The following DDHD1 variants were observed in gnomAD, a reference collection of about 807,000 sequenced individuals.
DDHD1 encodes the protein phospholipase DDHD1.
A neutral mutation model predicts 96.4 loss-of-function variants in DDHD1; 49 were observed. The observed-to-expected ratio is 0.51, with a 90% CI of 0.40 to 0.64. The LOEUF (loss-of-function observed/expected upper bound fraction) is 0.64. Ranked by LOEUF, DDHD1 falls within the 30% of genes least tolerant of loss-of-function variation. The pLI is 0.00. For synonymous variants in DDHD1, 442 were observed against 446.5 expected, an observed-to-expected ratio of 0.99 and a Z score of 0.13; for missense variants, 1,106 against 1,161.2, an observed-to-expected ratio of 0.95 and a Z score of 0.69.
intron 4 of DDHD1, among the ~76,000 whole-genome samples, chr14:53,085,179 C>A (rs1207501094): frequency 6.6e-6 from 1 of 152,210 alleles, no homozygotes; most frequent in Admixed American, 6.5e-5. Context: ...TCTGTAGACT[C>A]CACCTCTGGG....
chr14:53,080,676 A>C (rs564344637), intron 4 of DDHD1, among the ~76,000 whole-genome samples: 3 of 150,944 alleles, frequency 2.0e-5, no homozygotes, highest in Admixed American at 6.6e-5. Flanking sequence ...CCTTTAAAAA[A>C]ATCCCTAATA....
At chr14:53,126,466 C>T (rs1889447094) in intron 1 of DDHD1, among the ~76,000 whole-genome samples, 1 of 152,150 alleles carries the variant, frequency 6.6e-6, no homozygotes, top group South Asian at 2.1e-4. Flanking sequence ...TTCCCGGGCT[C>T]AGGTAATCCT....
intron 1 of DDHD1, among the ~76,000 whole-genome samples, chr14:53,121,546 G>C (rs764481663): frequency 3.3e-5 from 5 of 152,192 alleles, no homozygotes; most frequent in Admixed American, 1.3e-4. Flanking sequence ...GCTCATCAAT[G>C]ATAGACTGGA....
intron 4 of DDHD1, among the ~76,000 whole-genome samples, chr14:53,087,147 C>G (rs1036097773): frequency 1.6e-4 from 24 of 152,016 alleles, no homozygotes; most frequent in African/African-American, 5.6e-4. Context: ...CAGGAGCACC[C>G]AGATTCATAA....
intron 1 of DDHD1, among the ~76,000 whole-genome samples, chr14:53,151,824 T>C (rs1023742430): frequency 6.6e-6 from 1 of 152,216 alleles, no homozygotes; most frequent in African/African-American, 2.4e-5. Context: ...ATAACTAAGC[T>C]GTTGATTCTC....
chr14:53,045,319 T>G lies in DDHD1; in HGVS notation c.*1449A>C, dbSNP rs1475548515. 1 of 152,362 alleles carries G rather than the reference T, an allele frequency of 6.6e-6. No homozygotes were observed. The highest frequency in any genetic ancestry group is 1.5e-5 in the Non-Finnish European group (1 of 68,232). 9.4% of individuals were successfully genotyped at this position (152,362 alleles called of 1,614,324 possible). ...TCACTGCAGCTTTGAACTTCTGGGC[T>G]CGGGTGATCCTCCCACCTCAGCCTC... is the stretch of plus-strand genomic sequence containing the variant. On this transcript the variant is annotated 3_prime_UTR_variant, in exon 13 of 13. Transcript: ENST00000673822.
chr14:53,061,215 T>G lies in DDHD1; in HGVS notation c.1767-14A>C. On this transcript the variant is annotated splice_polypyrimidine_tract_variant and intron_variant, in intron 7 of 12. Coordinates refer to ENST00000673822, the MANE Select transcript of DDHD1 (RefSeq NM_001160148.2). ...ATTTCCTTCAGCCTAAGAAGGGGTA[T>G]GAGATTATATACACACACGTATTTA... is the stretch of plus-strand genomic sequence containing the variant. 1 of 1,602,128 alleles carries G rather than the reference T, an allele frequency of 6.2e-7. No homozygotes were observed. The highest frequency in any genetic ancestry group is 8.5e-7 in the Non-Finnish European group (1 of 1,175,822).
At chr14:53,047,514 C>T (rs1446920844) in intron 12 of DDHD1, among the ~76,000 whole-genome samples, 1 of 152,092 alleles carries the variant, frequency 6.6e-6, no homozygotes, top group Non-Finnish European at 1.5e-5. Context: ...ACCCTAGTGT[C>T]CATCCAGTCA....
intron 1 of DDHD1, among the ~76,000 whole-genome samples, chr14:53,141,403 T>A (rs1216081365): frequency 6.6e-6 from 1 of 152,178 alleles, no homozygotes; most frequent in Non-Finnish European, 1.5e-5. Flanking sequence ...ATTACCAAAG[T>A]AAGGTCTTCG....
rs370207177 is a variant in DDHD1, at chr14:53,058,536, T to C, written c.1933A>G (p.Ile645Val). The C allele has an allele frequency of 6.2e-6, 10 of 1,613,596 alleles. No individual in the cohort carries two copies. The highest frequency in any genetic ancestry group is 8.5e-6 in the Non-Finnish European group (10 of 1,179,888). ...CGGTTACAAATCTCTCTAGGCAAAA[T>C]ATGGTCTTGACTTCCAGTATTTCCT... ...RPGNTGSQDH[I>V]LPREICNRLL... The change falls in exon 9 of 13, where the codon ATT becomes GTT. Residue 645 changes from isoleucine (I) to valine (V), a missense_variant. Ile to Val is a conservative substitution (Grantham distance 29). This residue lies in a region of DDHD1 where 650 missense variants were observed against 758.8 expected (regional missense o/e 0.86). Coordinates refer to ENST00000673822, the MANE Select transcript of DDHD1 (RefSeq NM_001160148.2).
chr14:53,148,368 A>G (rs150901672), intron 1 of DDHD1, among the ~76,000 whole-genome samples: 36 of 151,060 alleles, frequency 2.4e-4, no homozygotes, highest in African/African-American at 8.5e-4. Flanking sequence ...GCTGGAGTGC[A>G]GTGTCACAAT....
At chr14:53,129,520 G>A (rs1277170688) in intron 1 of DDHD1, among the ~76,000 whole-genome samples, 1 of 152,136 alleles carries the variant, frequency 6.6e-6, no homozygotes, top group Admixed American at 6.5e-5. Flanking sequence ...GGGGATGCCT[G>A]CCTGATTATT....
chr14:53,059,844 A>G, intron 8 of DDHD1, among the ~76,000 whole-genome samples: 1 of 140,266 alleles, frequency 7.1e-6, no homozygotes. Context: ...AGCCTGGGTG[A>G]CAGAGCAAGA....
At chr14:53,084,178 A>T (rs1425491282) in intron 4 of DDHD1, among the ~76,000 whole-genome samples, 1 of 152,200 alleles carries the variant, frequency 6.6e-6, no homozygotes, top group African/African-American at 2.4e-5. Flanking sequence ...TTGAATTTGA[A>T]CACAAGATTA....
At position 53,055,812 on chromosome 14, in the gene DDHD1, A is replaced by G; in HGVS notation, c.2093T>C (p.Met698Thr). 1 of 1,614,102 alleles carries G rather than the reference A, an allele frequency of 6.2e-7. No individual in the cohort carries two copies. Among genetic ancestry groups the G allele is most frequent in the Non-Finnish European group, 8.5e-7 (1 of 1,180,008 alleles). Residue 698 changes from methionine (M) to threonine (T), a missense_variant, in exon 10 of 13, where the codon ATG becomes ACG. Met to Thr is a moderately conservative substitution (Grantham distance 81). Around this residue, in one of 2 missense-constraint regions of DDHD1, gnomAD observed 650 missense variants for 758.8 expected, o/e 0.86. Coordinates refer to ENST00000673822, the MANE Select transcript of DDHD1 (RefSeq NM_001160148.2). Reference protein sequence around the residue: ...NTSNPLPYEHMKPSFLNPAKE... With the variant: ...NTSNPLPYEHTKPSFLNPAKE... ...AGCTGGGTTGAGAAAGCTTGGCTTC[A>G]TATGTTCATAAGGTAAAGGATTTGA...
At chr14:53,120,753 A>G (rs1000100708) in intron 1 of DDHD1, among the ~76,000 whole-genome samples, 2 of 152,216 alleles carry the variant, frequency 1.3e-5, no homozygotes, top group African/African-American at 4.8e-5. Context: ...ATATGCAGAA[A>G]ACAGAAACTA....
rs1390594904 is a variant in DDHD1 at position 53,058,635 on chromosome 14, A to G, written c.1843-9T>C. The stretch of plus-strand genomic sequence containing the variant: ...CAGAAGAAATTCTCAACCTAAAATG[A>G]TAAAGTCATCTTAAAGTTTAAAAAT... On this transcript the variant is annotated splice_polypyrimidine_tract_variant and intron_variant, in intron 8 of 12. Coordinates refer to ENST00000673822, the MANE Select transcript of DDHD1 (RefSeq NM_001160148.2). 2 of 1,581,844 alleles carry G rather than the reference A, an allele frequency of 1.3e-6. No individual in the cohort carries two copies. The highest frequency in any genetic ancestry group is 1.7e-6 in the Non-Finnish European group (2 of 1,165,832).
At position 53,043,799 on chromosome 14, in the gene DDHD1, A is replaced by C. The variant is rs1464365575; in HGVS notation, c.*2969T>G. On this transcript the variant is annotated 3_prime_UTR_variant, in exon 13 of 13. Transcript: ENST00000673822. Reference sequence around the variant, plus strand: ...GGATTATAAACAAGATTACTGTTGAAAAGAAAGTATGAACTAACATAAGGC... The same window carrying C: ...GGATTATAAACAAGATTACTGTTGACAAGAAAGTATGAACTAACATAAGGC... The C allele has an allele frequency of 6.6e-6, 1 of 152,220 alleles. No individual in the cohort carries two copies. Among genetic ancestry groups the C allele is most frequent in the Non-Finnish European group, 1.5e-5 (1 of 68,020 alleles). The allele number at this position is 152,220 out of a possible 1,614,324, so 9.4% of individuals were successfully genotyped here.
At position 53,046,764 on chromosome 14, in the gene DDHD1, G is replaced by C; in HGVS notation, c.*4C>G. 1.9e-6 allele frequency: 3 copies of C among 1,581,878 alleles called. No homozygotes were observed. In the African/African-American group the frequency reaches 4.1e-5, roughly 22 times the overall value. On this transcript the variant is annotated 3_prime_UTR_variant, in exon 13 of 13. Transcript: ENST00000673822. ...TTTAGGCCATTCATGTCCTTCAAGAGAGTTCAGATTGGATCTAAATTGGGT... is the reference window on the plus strand; with the variant it reads ...TTTAGGCCATTCATGTCCTTCAAGACAGTTCAGATTGGATCTAAATTGGGT...
Sources: allele counts gnomAD v4.1 joint callset (sites outside exome capture counted in the v4.1 genomes callset), GRCh38; gene constraint gnomAD v4.1.1; regional missense constraint gnomAD v4.1.1; transcripts MANE v1.5; gene names NCBI Gene and HGNC (gene_info 2026-07-23, HGNC 2026-07-21).